Variants in KCNH7 observed in about 807,000 individuals in gnomAD.
KCNH7 encodes voltage-gated inwardly rectifying potassium channel KCNH7.
In KCNH7, 49 loss-of-function variants were observed where a neutral mutation model predicts 120.8. The observed-to-expected ratio is 0.41, with a 90% CI of 0.32 to 0.51. The LOEUF is 0.51. Among genes scored for constraint, KCNH7 ranks in the 20% least tolerant of loss-of-function variants. The pLI, the probability that KCNH7 is intolerant of heterozygous loss-of-function variation, is 0.38. For missense variants in KCNH7, 1,097 were observed against 1,446.6 expected (o/e 0.76, Z 3.92); for synonymous variants, 547 against 516.1 (o/e 1.06, Z -0.81).
At chr2:162,603,360 A>G (rs1445255133) in intron 2 of KCNH7, among the ~76,000 whole-genome samples, 1 of 152,030 alleles carries the variant, frequency 6.6e-6, no homozygotes, top group Non-Finnish European at 1.5e-5. Flanking sequence ...TTGTTCCCTC[A>G]TTCTCATTTG....
At chr2:162,751,744 T>C (rs1032632739) in intron 2 of KCNH7, among the ~76,000 whole-genome samples, 1 of 151,576 alleles carries the variant, frequency 6.6e-6, no homozygotes, top group East Asian at 2.0e-4. Context: ...TTTACAATCA[T>C]GTATATGAAT....
At chr2:162,821,677 A>T (rs1685125867) in intron 2 of KCNH7, among the ~76,000 whole-genome samples, 1 of 152,224 alleles carries the variant, frequency 6.6e-6, no homozygotes, top group South Asian at 2.1e-4. Flanking sequence ...CTTTCACTTT[A>T]AAAAGAATCT....
chr2:162,731,037 G>A (rs1199530644), intron 2 of KCNH7, among the ~76,000 whole-genome samples: 1 of 151,578 alleles, frequency 6.6e-6, no homozygotes, highest in East Asian at 1.9e-4. Context: ...AGAGCAAAAG[G>A]ATTTCTTAAA....
chr2:162,648,856 G>A (rs1346817320), intron 2 of KCNH7, among the ~76,000 whole-genome samples: 1 of 152,112 alleles, frequency 6.6e-6, no homozygotes, highest in Non-Finnish European at 1.5e-5. Flanking sequence ...TTTCTGGGTG[G>A]TGGGACGTGA....
chr2:162,449,836 A>G (rs1424482905), intron 6 of KCNH7, among the ~76,000 whole-genome samples: 1 of 152,080 alleles, frequency 6.6e-6, no homozygotes, highest in Non-Finnish European at 1.5e-5. Flanking sequence ...GTAGTTTATT[A>G]TGGCAGCCCT....
At chr2:162,418,217 C>T (rs1042978984) in intron 9 of KCNH7, among the ~76,000 whole-genome samples, 2 of 152,144 alleles carry the variant, frequency 1.3e-5, no homozygotes, top group African/African-American at 4.8e-5. Context: ...AAAGGTGTTG[C>T]CAGTCCTGTG....
rs188109553 is a variant in KCNH7 at position 162,562,696 on chromosome 2, C to T, written c.308-25616G>A. ...GAGGTAGGAGAAGGGTGGCTTCCACCAAAGAGAAGCAGCTTGCCAGTCAAT... is the reference window on the plus strand; with the variant it reads ...GAGGTAGGAGAAGGGTGGCTTCCACTAAAGAGAAGCAGCTTGCCAGTCAAT... On this transcript the variant is annotated intron_variant, in intron 2 of 15. Transcript: ENST00000332142. Among the ~76,000 whole-genome samples, 162 of 152,212 alleles carry T rather than the reference C, an allele frequency of 1.1e-3. 1 individual carries two copies. The highest frequency in any genetic ancestry group is 3.6e-3 in the African/African-American group (151 of 41,542).
intron 2 of KCNH7, among the ~76,000 whole-genome samples, chr2:162,774,115 A>G (rs1404520483): frequency 1.3e-5 from 2 of 152,164 alleles, no homozygotes; most frequent in Non-Finnish European, 2.9e-5. Context: ...ATACAAATCT[A>G]TGAAAATTCA....
rs568219183 is a variant in KCNH7, at chr2:162,566,353, G to A, written c.308-29273C>T. Among the ~76,000 whole-genome samples, 119 of 152,068 alleles carry A rather than the reference G, an allele frequency of 7.8e-4. No homozygotes were observed. The South Asian group carries it at 0.024, about 31-fold the overall frequency. ...ATTTGGGGATAGCATAATATTTTGG[G>A]ACTCGCAAGTGTTCAATAAATGCTT... On this transcript the variant is annotated intron_variant, in intron 2 of 15. Coordinates refer to ENST00000332142, the MANE Select transcript of KCNH7 (RefSeq NM_033272.4).
At chr2:162,476,547 A>G (rs1689755405) in intron 6 of KCNH7, among the ~76,000 whole-genome samples, 1 of 152,220 alleles carries the variant, frequency 6.6e-6, no homozygotes, top group Non-Finnish European at 1.5e-5. Flanking sequence ...TTTTCTTACC[A>G]GTTCATTTTA....
At chr2:162,574,969 C>G (rs1693620880) in intron 2 of KCNH7, among the ~76,000 whole-genome samples, 1 of 152,082 alleles carries the variant, frequency 6.6e-6, no homozygotes, top group Non-Finnish European at 1.5e-5. Context: ...TATGAGCTAT[C>G]CTTGGCATAT....
intron 2 of KCNH7, among the ~76,000 whole-genome samples, chr2:162,698,701 A>T (rs1686384762): frequency 6.6e-6 from 1 of 152,008 alleles, no homozygotes; most frequent in East Asian, 1.9e-4. Flanking sequence ...AGTTCTCCTC[A>T]ATGAGCCTCA....
At chr2:162,778,765 T>C (rs1055452775) in intron 2 of KCNH7, among the ~76,000 whole-genome samples, 1 of 152,224 alleles carries the variant, frequency 6.6e-6, no homozygotes, top group Non-Finnish European at 1.5e-5. Context: ...ACTGATATTT[T>C]AGATATTTTC....
intron 12 of KCNH7, among the ~76,000 whole-genome samples, chr2:162,386,150 A>G (rs1401306789): frequency 6.6e-6 from 1 of 151,924 alleles, no homozygotes; most frequent in Non-Finnish European, 1.5e-5. Flanking sequence ...CCGATCTCCA[A>G]CATTACAGAC....
At chr2:162,606,951 T>A (rs76660391) in intron 2 of KCNH7, among the ~76,000 whole-genome samples, 6,840 of 152,168 alleles carry the variant, frequency 0.045, 288 homozygotes, top group East Asian at 0.13. Flanking sequence ...ATGTTTATAG[T>A]TGGGAATGTT....
chr2:162,607,238 A>T (rs919379541), intron 2 of KCNH7, among the ~76,000 whole-genome samples: 2 of 149,230 alleles, frequency 1.3e-5, no homozygotes, highest in African/African-American at 5.1e-5. Context: ...AAAAAAAAAA[A>T]AAATAGCCGA....
At chr2:162,538,875 G>T (rs1012773815) in intron 2 of KCNH7, among the ~76,000 whole-genome samples, 1 of 152,078 alleles carries the variant, frequency 6.6e-6, no homozygotes, top group Non-Finnish European at 1.5e-5. Flanking sequence ...ATGCCTATGT[G>T]CTCCTTATAA....
At chr2:162,786,419 A>T (rs1474976075) in intron 2 of KCNH7, among the ~76,000 whole-genome samples, 6 of 152,176 alleles carry the variant, frequency 3.9e-5, no homozygotes, top group Non-Finnish European at 1.5e-5. Context: ...GAGGTAAGCC[A>T]ATTGTCCAAA....
At chr2:162,709,847 T>C (rs1046399972) in intron 2 of KCNH7, among the ~76,000 whole-genome samples, 2 of 152,160 alleles carry the variant, frequency 1.3e-5, no homozygotes, top group Admixed American at 6.6e-5. Flanking sequence ...TTTGTCAAAC[T>C]TATAATCTGT....
Sources: gnomAD v4.1 joint callset for allele counts (sites outside exome capture counted in the v4.1 genomes callset) on GRCh38, gnomAD v4.1.1 for gene constraint, MANE v1.5 for transcripts, NCBI Gene and HGNC (gene_info 2026-07-23, HGNC 2026-07-21) for gene names.